The following STX1B variants were observed in gnomAD, a reference collection of about 807,000 sequenced individuals.
The protein encoded by STX1B is syntaxin-1B.
In STX1B, 7 loss-of-function variants were observed where a neutral mutation model predicts 39.4. That is an observed-to-expected ratio of 0.18 (90% CI 0.10 to 0.33). The LOEUF is 0.33. Among genes scored for constraint, STX1B ranks in the 10% least tolerant of loss-of-function variants. The pLI is 1.00. For synonymous variants in STX1B, 136 were observed against 144.1 expected (o/e 0.94, Z 0.40); for missense variants, 198 against 383.2 (o/e 0.52, Z 4.04).
At chr16:31,006,034 T>C (rs1175485799) in intron 1 of STX1B, among the ~76,000 whole-genome samples, 4 of 152,056 alleles carry the variant, frequency 2.6e-5, no homozygotes, top group Non-Finnish European at 2.9e-5. Flanking sequence ...GAGAGACAGA[T>C]GGTGAGACGG....
At chr16:30,997,433 C>G (rs568062053) in intron 5 of STX1B, 69 bp downstream of exon 5, 1 of 1,410,338 alleles carries the variant, frequency 7.1e-7, no homozygotes, top group South Asian at 1.2e-5. Flanking sequence ...CCCTGGCCCG[C>G]CGGCCTCCAG....
At chr16:31,010,340 C>A in intron 1 of STX1B, 27 bp downstream of exon 1, 1 of 1,344,822 alleles carries the variant, frequency 7.4e-7, no homozygotes, top group East Asian at 2.7e-5. Context: ...GGTCCCGCCC[C>A]CCCATTCTCC....
In STX1B at chr16:30,992,643, G is replaced by GC. The variant is rs2056566500; in HGVS notation, c.*177_*178insG. Reference sequence around the variant, plus strand: ...CTGCTGCGATCTACGTGCGGGGACGGGGGGGGGGTCCATGGCCCGGTGAGG... The same window carrying GC: ...CTGCTGCGATCTACGTGCGGGGACGGCGGGGGGGGTCCATGGCCCGGTGAGG... On this transcript the variant is annotated 3_prime_UTR_variant, in exon 10 of 10. Coordinates refer to ENST00000215095, the MANE Select transcript of STX1B (RefSeq NM_052874.5). 2 of 264,956 alleles carry GC rather than the reference G, an allele frequency of 7.5e-6. 1 individual carries two copies. Among genetic ancestry groups the GC allele is most frequent in the African/African-American group, 1.0e-4 (2 of 19,636 alleles). 16.4% of individuals were successfully genotyped at this position (264,956 alleles called of 1,614,324 possible).
chr16:31,009,779 C>T (rs998762940), intron 1 of STX1B, among the ~76,000 whole-genome samples: 4 of 151,868 alleles, frequency 2.6e-5, no homozygotes, highest in African/African-American at 9.7e-5. Flanking sequence ...TCTGGGTCAC[C>T]CTGTCTCAGG....
intron 5 of STX1B, 37 bp from the exon 6 acceptor site, chr16:30,997,096 G>T: frequency 6.9e-7 from 1 of 1,455,432 alleles, no homozygotes; most frequent in Non-Finnish European, 9.6e-7. Context: ...GATCAGGGAG[G>T]TAGTCAGGGA....
At chr16:30,999,247 G>C (rs2056611366) in intron 4 of STX1B, among the ~76,000 whole-genome samples, 1 of 152,134 alleles carries the variant, frequency 6.6e-6, no homozygotes, top group Non-Finnish European at 1.5e-5. Context: ...AGTACAAAGG[G>C]CTTGTTTTTA....
chr16:31,009,418 GC>G (rs1456043304), intron 1 of STX1B, among the ~76,000 whole-genome samples: 20 of 151,988 alleles, frequency 1.3e-4, no homozygotes, highest in Admixed American at 1.1e-3. Context: ...CTCAGCCGGG[GC>G]CGGTACCCTT....
At chr16:30,996,783 G>A (rs374851034) in intron 6 of STX1B, 27 bp from the exon 7 acceptor site, 27 of 1,611,226 alleles carry the variant, frequency 1.7e-5, no homozygotes, top group African/African-American at 4.0e-5. Flanking sequence ...CTCCCTGCTC[G>A]GGGGCTGGGA....
At chr16:31,008,246 C>T (rs758048396) in intron 1 of STX1B, among the ~76,000 whole-genome samples, 94 of 149,400 alleles carry the variant, frequency 6.3e-4, no homozygotes, top group Non-Finnish European at 1.1e-3. Flanking sequence ...CGCCCGCCCC[C>T]TCTTGAATCT....
chr16:31,001,278 G>C lies in STX1B; in HGVS notation c.106-85C>G. 1 of 1,343,384 alleles carries C rather than the reference G, an allele frequency of 7.4e-7. No homozygotes were observed. Among genetic ancestry groups the C allele is most frequent in the Admixed American group, 1.8e-5 (1 of 55,322 alleles). The allele number at this position is 1,343,384 out of a possible 1,614,324, so 83.2% of individuals were successfully genotyped here. On this transcript the variant is annotated intron_variant, in intron 2 of 9. Coordinates refer to ENST00000215095, the MANE Select transcript of STX1B (RefSeq NM_052874.5). The surrounding 1 kb of genome is among the most constrained non-coding windows in gnomAD (Gnocchi z 5.5). ...GGAACCAGCCAGGGTTCAGGGGAAT[G>C]GACCAGCCCCAGAACGGCTGATAAA...
At chr16:31,007,574 T>C (rs1405781356) in intron 1 of STX1B, among the ~76,000 whole-genome samples, 1 of 152,134 alleles carries the variant, frequency 6.6e-6, no homozygotes, top group Non-Finnish European at 1.5e-5. Context: ...CCAACCAAGG[T>C]TGCCTGGTAA....
Position 31,001,654 on chromosome 16 carries a change from A to C in STX1B, c.31-51T>G. ...TGAGCAGGCCCTACCTGGGTCCCCAAGGCTGGCTCTCCAGCTCTCCCACCC... is the reference window on the plus strand; with the variant it reads ...TGAGCAGGCCCTACCTGGGTCCCCACGGCTGGCTCTCCAGCTCTCCCACCC... On this transcript the variant is annotated intron_variant, in intron 1 of 9. Coordinates refer to ENST00000215095, the MANE Select transcript of STX1B (RefSeq NM_052874.5). The surrounding 1 kb of genome is among the most constrained non-coding windows in gnomAD (Gnocchi z 5.5). 6.7e-7 allele frequency: 1 copy of C among 1,495,516 alleles called. No homozygotes were observed. The highest frequency in any genetic ancestry group is 9.2e-7 in the Non-Finnish European group (1 of 1,083,550). The allele number at this position is 1,495,516 out of a possible 1,614,324, so 92.6% of individuals were successfully genotyped here.
rs764568604 is a variant in STX1B, at chr16:31,001,904, C to T, written c.31-301G>A. ...AGGGATGATTTCAATATTTCAACAA[C>T]GGCTCAACGTCAGGCTTGCAGTAAC... On this transcript the variant is annotated intron_variant, in intron 1 of 9. Transcript: ENST00000215095. The surrounding 1 kb of genome is among the most constrained non-coding windows in gnomAD (Gnocchi z 5.5). Among the ~76,000 whole-genome samples the T allele has an allele frequency of 6.5e-4, 99 of 152,244 alleles. No individual in the cohort carries two copies. Among genetic ancestry groups the T allele is most frequent in the Non-Finnish European group, 9.4e-4 (64 of 68,000 alleles).
chr16:30,989,715 GGCAGGGTGAAT>G lies in STX1B; in HGVS notation c.*3095_*3105del. ...TTGTCCTCTGCAGGGCGGGCTGGGG[GGCAGGGTGAAT>G]GCATAGAACACATCATGTGTACACG... On this transcript the variant is annotated 3_prime_UTR_variant, in exon 10 of 10. Coordinates refer to ENST00000215095, the MANE Select transcript of STX1B (RefSeq NM_052874.5). 1 of 152,512 alleles carries G rather than the reference GGCAGGGTGAAT, an allele frequency of 6.6e-6. No homozygotes were observed. The allele number at this position is 152,512 out of a possible 1,614,324, so 9.4% of individuals were successfully genotyped here.
At chr16:30,996,372 A>C (rs1442686953) in intron 7 of STX1B, 29 of 263,168 alleles carry the variant, frequency 1.1e-4, no homozygotes, top group Non-Finnish European at 1.4e-4. Flanking sequence ...TTGCCAAGTG[A>C]TTTCATCTCT....
chr16:30,997,407 C>T lies in STX1B; in HGVS notation c.354+95G>A, dbSNP rs2056600847. ...CCGCCCCAGCCCTCCCTGACCACGCCCCCGCCGGTGCTTGGCCCTGGCCCG... is the reference window on the plus strand; with the variant it reads ...CCGCCCCAGCCCTCCCTGACCACGCTCCCGCCGGTGCTTGGCCCTGGCCCG... On this transcript the variant is annotated intron_variant, in intron 5 of 9. Coordinates refer to ENST00000215095, the MANE Select transcript of STX1B (RefSeq NM_052874.5). 6 of 1,137,818 alleles carry T rather than the reference C, an allele frequency of 5.3e-6. No individual in the cohort carries two copies. The East Asian group carries it at 1.0e-4, about 20-fold the overall frequency. 70.5% of individuals were successfully genotyped at this position (1,137,818 alleles called of 1,614,324 possible).
chr16:31,005,461 TTC>T (rs1177794858), intron 1 of STX1B, among the ~76,000 whole-genome samples: 3 of 135,206 alleles, frequency 2.2e-5, no homozygotes, highest in African/African-American at 7.8e-5. Flanking sequence ...TTCTTTTTTT[TTC>T]TTTTTCCTTT....
chr16:30,992,544 A>T lies in STX1B; in HGVS notation c.*277T>A. ...GGTGCATCACACACATCACACGCACACGCACGCTGGGGTGTCCACACGTCT... is the reference window on the plus strand; with the variant it reads ...GGTGCATCACACACATCACACGCACTCGCACGCTGGGGTGTCCACACGTCT... On this transcript the variant is annotated 3_prime_UTR_variant, in exon 10 of 10. Transcript: ENST00000215095. 1 of 401,824 alleles carries T rather than the reference A, an allele frequency of 2.5e-6. No homozygotes were observed. Among genetic ancestry groups the T allele is most frequent in the Non-Finnish European group, 4.6e-6 (1 of 218,560 alleles). The allele number at this position is 401,824 out of a possible 1,614,324, so 24.9% of individuals were successfully genotyped here.
intron 4 of STX1B, among the ~76,000 whole-genome samples, chr16:30,997,968 T>A (rs2056604621): frequency 6.6e-6 from 1 of 152,178 alleles, no homozygotes; most frequent in Admixed American, 6.5e-5. Context: ...TCCTACAGCC[T>A]CTGGACAGGG....
Sources: allele counts gnomAD v4.1 joint callset (sites outside exome capture counted in the v4.1 genomes callset), GRCh38; gene constraint gnomAD v4.1.1; non-coding constraint Gnocchi (gnomAD v3.1); transcripts MANE v1.5; gene names NCBI Gene and HGNC (gene_info 2026-07-23, HGNC 2026-07-21).